Variants in ADAM12 observed in about 807,000 individuals in gnomAD.
ADAM12 encodes the protein ADAM metallopeptidase domain 12.
ADAM12 carries 70 observed loss-of-function variants against 106.4 expected under a neutral mutation model. The observed-to-expected ratio is 0.66, with a 90% CI of 0.54 to 0.80. ADAM12 has a LOEUF of 0.80. ADAM12 is among the 30% of genes least tolerant of loss of function. ADAM12 has a pLI of 0.00. For synonymous variants in ADAM12, 420 were observed against 433.5 expected (o/e 0.97, Z 0.39); for missense variants, 1,010 against 1,171.9 (o/e 0.86, Z 2.02).
intron 3 of ADAM12, among the ~76,000 whole-genome samples, chr10:126,268,799 A>C (rs186931700): frequency 6.6e-6 from 1 of 152,290 alleles, no homozygotes; most frequent in East Asian, 1.9e-4. Context: ...TGATACTGTA[A>C]GAATGTAGCA....
chr10:126,083,557 G>A (rs915319958), intron 11 of ADAM12, among the ~76,000 whole-genome samples: 1 of 152,228 alleles, frequency 6.6e-6, no homozygotes, highest in Non-Finnish European at 1.5e-5. Flanking sequence ...CTTCCTTCCA[G>A]GTGTACCTTA....
chr10:126,132,695 C>T (rs1006948743), intron 5 of ADAM12, among the ~76,000 whole-genome samples: 3 of 152,094 alleles, frequency 2.0e-5, no homozygotes, highest in Non-Finnish European at 4.4e-5. Flanking sequence ...TTTGTTTGAA[C>T]ATGCAAACTT....
chr10:126,094,022 C>T lies in ADAM12; in HGVS notation c.1108G>A (p.Val370Ile), dbSNP rs190468903. Reference protein sequence around the residue: ...LDRGCSCQMAVEKGGCIMNAS... With the variant: ...LDRGCSCQMAIEKGGCIMNAS... ...TTCATGATGCAGCCTCCTTTCTCAA[C>T]CGCCATTTGACAGCTACAGCCCCTG... Residue 370 changes from valine to isoleucine, a missense_variant, in exon 11 of 23, where the codon GTT (valine) becomes ATT (isoleucine). Around this residue, in one of 3 missense-constraint regions of ADAM12, gnomAD observed 615 missense variants for 708.5 expected, o/e 0.87. Coordinates refer to ENST00000448723, the MANE Select transcript of ADAM12 (RefSeq NM_001288973.2). 3 of 1,614,212 alleles carry T rather than the reference C, an allele frequency of 1.9e-6. No homozygotes were observed. The African/African-American group carries it at 4.0e-5, about 22-fold the overall frequency.
At position 126,017,232 on chromosome 10, in the gene ADAM12, G is replaced by T; in HGVS notation, c.*47C>A. 1 of 1,493,594 alleles carries T rather than the reference G, an allele frequency of 6.7e-7. No individual in the cohort carries two copies. The highest frequency in any genetic ancestry group is 9.1e-7 in the Non-Finnish European group (1 of 1,103,174). 92.5% of individuals were successfully genotyped at this position (1,493,594 alleles called of 1,614,324 possible). On this transcript the variant is annotated 3_prime_UTR_variant, in exon 23 of 23. Transcript: ENST00000448723. ...CAAAAAACTCCAACTGGAGCTGAAA[G>T]ATAGTGCAAACTTCTGTCTTCACTG...
rs1953726562 is a variant in ADAM12, at chr10:126,019,740, C to T, written c.2615G>A (p.Arg872Lys). The T allele has an allele frequency of 6.2e-7, 1 of 1,614,152 alleles. No homozygotes were observed. The highest frequency in any genetic ancestry group is 8.5e-7 in the Non-Finnish European group (1 of 1,180,010). Residue 872 changes from arginine to lysine, a missense_variant, in exon 22 of 23, where the codon AGG (arginine) becomes AAG (lysine). This residue lies in a region of ADAM12 where 615 missense variants were observed against 708.5 expected (regional missense o/e 0.87). Transcript: ENST00000448723. ...RTTRLTHALA[R>K]TPGQWETGLR... is the part of the protein sequence containing the mutation. ...CCCAGTCTCCCATTGTCCTGGGGTC[C>T]TGGCCAAGGCATGAGTGAGCCGAGT...
chr10:126,040,152 A>G (rs571045451), intron 18 of ADAM12, among the ~76,000 whole-genome samples: 6 of 152,232 alleles, frequency 3.9e-5, no homozygotes, highest in African/African-American at 1.2e-4. Flanking sequence ...AAGGAAAAAA[A>G]TCAAACCATC....
intron 14 of ADAM12, among the ~76,000 whole-genome samples, chr10:126,063,523 A>G (rs1954802315): frequency 6.6e-6 from 1 of 152,216 alleles, no homozygotes; most frequent in African/African-American, 2.4e-5. Context: ...AGGTCCTATC[A>G]GGTTTCCCTC....
At chr10:126,316,242 A>G (rs1242933690) in intron 2 of ADAM12, among the ~76,000 whole-genome samples, 1 of 152,216 alleles carries the variant, frequency 6.6e-6, no homozygotes, top group Admixed American at 6.5e-5. Context: ...AAAGGGCAAA[A>G]TATCTCTATC....
At chr10:126,312,047 C>T (rs773409126) in intron 2 of ADAM12, among the ~76,000 whole-genome samples, 7 of 143,556 alleles carry the variant, frequency 4.9e-5, no homozygotes, top group Admixed American at 2.9e-4. Context: ...CCTGTGGGGT[C>T]GGTGCTAACT....
chr10:126,107,564 C>A (rs73378630), intron 8 of ADAM12, among the ~76,000 whole-genome samples: 4,535 of 152,276 alleles, frequency 0.03, 179 homozygotes, highest in African/African-American at 0.086. Context: ...CCCTCACAAA[C>A]CACTATGTGT....
intron 11 of ADAM12, among the ~76,000 whole-genome samples, chr10:126,073,242 C>G (rs375086053): frequency 6.6e-6 from 1 of 152,170 alleles, no homozygotes; most frequent in African/African-American, 2.4e-5. Context: ...GCGCCCACCA[C>G]CATGCCTGGC....
chr10:126,048,092 T>C (rs1202746136), intron 16 of ADAM12, among the ~76,000 whole-genome samples: 1 of 152,160 alleles, frequency 6.6e-6, no homozygotes, highest in African/African-American at 2.4e-5. Flanking sequence ...AGCTAAATGA[T>C]GAGAACACAT....
At chr10:126,331,850 T>A (rs767263452) in intron 1 of ADAM12, among the ~76,000 whole-genome samples, 13 of 152,116 alleles carry the variant, frequency 8.5e-5, no homozygotes, top group Middle Eastern at 3.2e-3. Flanking sequence ...AGGTGCTGGC[T>A]CTGATGGTGA....
chr10:126,360,268 C>T (rs748000325), intron 1 of ADAM12, among the ~76,000 whole-genome samples: 4 of 152,196 alleles, frequency 2.6e-5, no homozygotes, highest in African/African-American at 9.6e-5. Flanking sequence ...TAACATTTGG[C>T]TCCTCATTAC....
intron 1 of ADAM12, among the ~76,000 whole-genome samples, chr10:126,347,119 A>G (rs1855170722): frequency 2.0e-5 from 3 of 152,102 alleles, no homozygotes; most frequent in Admixed American, 2.0e-4. Flanking sequence ...TGCTAGCCTC[A>G]ATGGTCTTTA....
chr10:126,332,066 C>T (rs370644949), intron 1 of ADAM12, among the ~76,000 whole-genome samples: 6 of 152,140 alleles, frequency 3.9e-5, no homozygotes, highest in South Asian at 4.2e-4. Flanking sequence ...TGGAGGAAGA[C>T]GCACCCTGCA....
At chr10:126,075,029 C>T (rs1165117519) in intron 11 of ADAM12, among the ~76,000 whole-genome samples, 1 of 152,172 alleles carries the variant, frequency 6.6e-6, no homozygotes, top group African/African-American at 2.4e-5. Context: ...GCTCAGGCGA[C>T]CCAGCAAGGT....
At chr10:126,020,488 A>T (rs10794055) in intron 21 of ADAM12, among the ~76,000 whole-genome samples, 1 of 151,882 alleles carries the variant, frequency 6.6e-6, no homozygotes, top group African/African-American at 2.4e-5. Context: ...AGGTGGGGTT[A>T]TTCCACGCTA....
chr10:126,330,288 T>C, intron 2 of ADAM12, 124 bp downstream of exon 2: 1 of 818,012 alleles, frequency 1.2e-6, no homozygotes, highest in Non-Finnish European at 1.9e-6. Flanking sequence ...AAGCTTCCAT[T>C]CTCTAAGGAT....
Sources: gnomAD v4.1 joint callset for allele counts (sites outside exome capture counted in the v4.1 genomes callset) on GRCh38, gnomAD v4.1.1 for gene constraint, gnomAD v4.1.1 regional missense constraint, MANE v1.5 for transcripts, NCBI Gene and HGNC (gene_info 2026-07-23, HGNC 2026-07-21) for gene names.